Variants in SEMA5A observed in about 807,000 individuals in gnomAD.
SEMA5A encodes the protein semaphorin-5A.
SEMA5A carries 55 observed loss-of-function variants against 135.5 expected under a neutral mutation model. The ratio of observed to expected loss-of-function variants is 0.41; its 90% confidence interval spans 0.33 to 0.51. SEMA5A has a LOEUF of 0.51. Ranked by LOEUF, SEMA5A falls within the 20% of genes least tolerant of loss-of-function variation. SEMA5A has a pLI of 0.37. For missense variants in SEMA5A, 1,290 were observed against 1,419.9 expected (o/e 0.91, Z 1.47); for synonymous variants, 580 against 546.5 (o/e 1.06, Z -0.85).
chr5:9,044,421 G>T lies in SEMA5A; in HGVS notation c.3057C>A (p.Thr1019=). The T allele has an allele frequency of 1.9e-6, 3 of 1,613,870 alleles. No individual in the cohort carries two copies. The highest frequency in any genetic ancestry group is 1.7e-6 in the Non-Finnish European group (2 of 1,179,978). The change falls in exon 22 of 23, where the codon ACC becomes ACA. Residue 1019 remains threonine (T), a synonymous_variant. Transcript: ENST00000382496. ...ACTTGTCCAGTTTGTTGATGTGGTTGGTTATGCTGGTATTAAGGGGGGCAG... is the reference window on the plus strand; with the variant it reads ...ACTTGTCCAGTTTGTTGATGTGGTTTGTTATGCTGGTATTAAGGGGGGCAG... ...VSPAPLNTSI[T]NHINKLDKYD...
chr5:9,051,326 C>A (rs1285824267), intron 20 of SEMA5A, among the ~76,000 whole-genome samples: 1 of 152,192 alleles, frequency 6.6e-6, no homozygotes, highest in East Asian at 1.9e-4. Context: ...ATTCATATAG[C>A]ACCTTCTCAC....
At chr5:9,279,422 C>A (rs1750429915) in intron 5 of SEMA5A, among the ~76,000 whole-genome samples, 1 of 152,138 alleles carries the variant, frequency 6.6e-6, no homozygotes, top group African/African-American at 2.4e-5. Context: ...TGGCTTGTGT[C>A]AGATGTGACT....
chr5:9,541,971 T>A (rs1198562997), intron 1 of SEMA5A, among the ~76,000 whole-genome samples: 1 of 152,226 alleles, frequency 6.6e-6, no homozygotes, highest in Non-Finnish European at 1.5e-5. Context: ...TTTGTTTTGT[T>A]CTATTTTGCT....
At chr5:9,319,352 C>G (rs1003425247) in intron 4 of SEMA5A, among the ~76,000 whole-genome samples, 1 of 151,906 alleles carries the variant, frequency 6.6e-6, no homozygotes, top group African/African-American at 2.4e-5. Flanking sequence ...AGTTTCACTG[C>G]CCAAGTATAA....
intron 11 of SEMA5A, among the ~76,000 whole-genome samples, chr5:9,158,938 A>G (rs1229599647): frequency 9.0e-6 from 1 of 111,460 alleles, no homozygotes; most frequent in Admixed American, 8.6e-5. Flanking sequence ...GATTAAATAC[A>G]GGCTGCCAAT....
intron 4 of SEMA5A, among the ~76,000 whole-genome samples, chr5:9,326,857 G>T (rs1476504775): frequency 6.6e-6 from 1 of 152,114 alleles, no homozygotes; most frequent in African/African-American, 2.4e-5. Context: ...TTATCTAAGT[G>T]TAAATATTTA....
At chr5:9,127,128 A>G (rs73045676) in intron 13 of SEMA5A, among the ~76,000 whole-genome samples, 2,790 of 152,274 alleles carry the variant, frequency 0.018, 44 homozygotes, top group African/African-American at 0.049. Context: ...ATTATATGTA[A>G]AACAAAATTA....
At position 9,376,470 on chromosome 5, in the gene SEMA5A, C is replaced by T. The variant is rs1000509798; in HGVS notation, c.124+3353G>A. Among the ~76,000 whole-genome samples, 3 of 152,190 alleles carry T rather than the reference C, an allele frequency of 2.0e-5. No homozygotes were observed. In the East Asian group the frequency reaches 5.8e-4, roughly 29 times the overall value. On this transcript the variant is annotated intron_variant, in intron 3 of 22. Coordinates refer to ENST00000382496, the MANE Select transcript of SEMA5A (RefSeq NM_003966.3). Reference sequence around the variant, plus strand: ...CATCCTAGAAACCTTTTTCAACCACCGTCCTACAGCCCAGGATGTGGGCTT... The same window carrying T: ...CATCCTAGAAACCTTTTTCAACCACTGTCCTACAGCCCAGGATGTGGGCTT...
chr5:9,293,324 C>T lies in SEMA5A; in HGVS notation c.270+25048G>A, dbSNP rs188064290. On this transcript the variant is annotated intron_variant, in intron 5 of 22. Coordinates refer to ENST00000382496, the MANE Select transcript of SEMA5A (RefSeq NM_003966.3). ...TACTCAAAGCCATCCAGGTAACTGC[C>T]TCCTTCTGAGAAAATGTCTTCCTTG... is the stretch of plus-strand genomic sequence containing the variant. 3.3e-3 allele frequency among the ~76,000 whole-genome samples: 499 copies of T among 152,290 alleles called. 1 individual carries two copies. The highest frequency in any genetic ancestry group is 5.4e-3 in the Non-Finnish European group (368 of 68,038).
At chr5:9,167,559 G>A (rs1743682260) in intron 11 of SEMA5A, among the ~76,000 whole-genome samples, 1 of 152,092 alleles carries the variant, frequency 6.6e-6, no homozygotes, top group Non-Finnish European at 1.5e-5. Flanking sequence ...GGACTTTCTA[G>A]ATCTGCATGC....
chr5:9,193,551 A>G (rs1257404170), intron 10 of SEMA5A, among the ~76,000 whole-genome samples: 2 of 152,146 alleles, frequency 1.3e-5, no homozygotes, highest in East Asian at 1.9e-4. Context: ...CTCCTGCAGG[A>G]GTGCCCAATT....
chr5:9,308,036 C>T (rs1751953548), intron 5 of SEMA5A, among the ~76,000 whole-genome samples: 1 of 152,114 alleles, frequency 6.6e-6, no homozygotes, highest in Non-Finnish European at 1.5e-5. Context: ...AAAGTATGTA[C>T]TTTTTTGTCA....
intron 11 of SEMA5A, among the ~76,000 whole-genome samples, chr5:9,164,030 TTATATAATATAATATATA>T (rs1211788552): frequency 1.4e-5 from 2 of 143,096 alleles, no homozygotes; most frequent in African/African-American, 5.1e-5. Context: ...ATATAAATAT[TTATATAATATAATATATA>T]TTTATAATAT....
At chr5:9,088,659 T>TACATACACACACACAC (rs1738861593) in intron 16 of SEMA5A, among the ~76,000 whole-genome samples, 2 of 112,862 alleles carry the variant, frequency 1.8e-5, no homozygotes, top group Non-Finnish European at 3.5e-5. Flanking sequence ...TATATATATA[T>TACATACACACACACAC]ACACACACAC....
intron 11 of SEMA5A, among the ~76,000 whole-genome samples, chr5:9,162,064 C>T (rs1446912457): frequency 6.6e-6 from 1 of 152,216 alleles, no homozygotes; most frequent in Non-Finnish European, 1.5e-5. Context: ...TATTGATGGA[C>T]AGAAAGCAAT....
chr5:9,259,014 G>A (rs534543652), intron 5 of SEMA5A, among the ~76,000 whole-genome samples: 2 of 151,912 alleles, frequency 1.3e-5, no homozygotes, highest in African/African-American at 4.8e-5. Flanking sequence ...TAGAGGTGGG[G>A]TTTCACCATG....
At chr5:9,341,612 TGA>T (rs1372981388) in intron 3 of SEMA5A, among the ~76,000 whole-genome samples, 1 of 149,270 alleles carries the variant, frequency 6.7e-6, no homozygotes, top group Admixed American at 6.7e-5. Context: ...AACCATATGA[TGA>T]AATGGAGCTT....
intron 6 of SEMA5A, among the ~76,000 whole-genome samples, chr5:9,228,462 G>C (rs1464161032): frequency 6.6e-6 from 1 of 152,226 alleles, no homozygotes; most frequent in Non-Finnish European, 1.5e-5. Context: ...CGAGGAGCCT[G>C]AAACAGGCCA....
Position 9,458,706 on chromosome 5 carries a change from T to C in SEMA5A, c.-174-20854A>G, listed in dbSNP as rs368296258. Among the ~76,000 whole-genome samples the C allele has an allele frequency of 9.8e-5, 15 of 152,306 alleles. 1 individual carries two copies. The East Asian group carries it at 2.9e-3, about 29-fold the overall frequency. Reference sequence around the variant, plus strand: ...GCTCCATGTTCAAAGCTGAGTTTGCTGTAAAATGGAGCACAGGAACCCTGA... The same window carrying C: ...GCTCCATGTTCAAAGCTGAGTTTGCCGTAAAATGGAGCACAGGAACCCTGA... On this transcript the variant is annotated intron_variant, in intron 1 of 22. Coordinates refer to ENST00000382496, the MANE Select transcript of SEMA5A (RefSeq NM_003966.3).
Sources: allele counts gnomAD v4.1 joint callset (sites outside exome capture counted in the v4.1 genomes callset), GRCh38; gene constraint gnomAD v4.1.1; transcripts MANE v1.5; gene names NCBI Gene and HGNC (gene_info 2026-07-23, HGNC 2026-07-21).